Variants in IGF1R observed in about 807,000 individuals in gnomAD.
IGF1R encodes insulin like growth factor 1 receptor.
IGF1R carries 44 observed loss-of-function variants against 144.6 expected under a neutral mutation model. The observed-to-expected ratio is 0.30, with a 90% confidence interval of 0.24 to 0.39. IGF1R has a LOEUF of 0.39. Among genes scored for constraint, IGF1R ranks in the 10% least tolerant of loss-of-function variants. The pLI, the probability that IGF1R is intolerant of heterozygous loss-of-function variation, is 1.00. For missense variants in IGF1R, 1,355 were observed against 1,833.7 expected (o/e 0.74, Z 4.77); for synonymous variants, 795 against 722.8 (o/e 1.10, Z -1.60).
chr15:98,885,552 C>T (rs2013598104), intron 2 of IGF1R, among the ~76,000 whole-genome samples: 1 of 152,184 alleles, frequency 6.6e-6, no homozygotes, highest in Non-Finnish European at 1.5e-5. Context: ...AATCCTCCTG[C>T]ACGAGGATGC....
intron 1 of IGF1R, among the ~76,000 whole-genome samples, chr15:98,666,290 CTTTT>C (rs556406397): frequency 6.9e-6 from 1 of 144,974 alleles, no homozygotes; most frequent in African/African-American, 2.5e-5. Context: ...ATGGCACAGC[CTTTT>C]TTTTTTTTAA....
rs1165087809 is a variant in IGF1R, at chr15:98,934,976, G to A, written c.3109G>A (p.Glu1037Lys). 4 of 1,614,146 alleles carry A rather than the reference G, an allele frequency of 2.5e-6. No individual in the cohort carries two copies. The highest frequency in any genetic ancestry group is 3.4e-6 in the Non-Finnish European group (4 of 1,180,018). Residue 1037 changes from glutamate (E) to lysine (K), a missense_variant, in exon 16 of 21, where the codon GAG (glutamate) becomes AAG (lysine). Glu to Lys is a moderately conservative substitution (Grantham distance 56). Around this residue, in one of 7 missense-constraint regions of IGF1R, gnomAD observed 880 missense variants for 1,202.7 expected, o/e 0.73. Coordinates refer to ENST00000650285, the MANE Select transcript of IGF1R (RefSeq NM_000875.5). Reference protein sequence around the residue: ...ETRVAIKTVNEAASMRERIEF... With the variant: ...ETRVAIKTVNKAASMRERIEF... Reference sequence around the variant, plus strand: ...CAGAGTGGCCATTAAAACAGTGAACGAGGCCGCAAGCATGCGTGAGAGGAT... The same window carrying A: ...CAGAGTGGCCATTAAAACAGTGAACAAGGCCGCAAGCATGCGTGAGAGGAT...
intron 2 of IGF1R, among the ~76,000 whole-genome samples, chr15:98,890,119 T>TA (rs1239045261): frequency 6.6e-6 from 1 of 152,200 alleles, no homozygotes; most frequent in African/African-American, 2.4e-5. Flanking sequence ...TGGCTTCTAA[T>TA]ATCCTATGGT....
In IGF1R at chr15:98,922,414, C is replaced by T; in HGVS notation, c.2468C>T (p.Ala823Val). 6.2e-7 allele frequency: 1 copy of T among 1,612,130 alleles called. No homozygotes were observed. Among genetic ancestry groups the T allele is most frequent in the Non-Finnish European group, 8.5e-7 (1 of 1,180,032 alleles). Reference sequence around the variant, plus strand: ...TGCAGCGCCTCCAACTTCGTCTTTGCAAGGACTATGCCCGCAGGTATGGTA... The same window carrying T: ...TGCAGCGCCTCCAACTTCGTCTTTGTAAGGACTATGCCCGCAGGTATGGTA... ...LGCSASNFVF[A>V]RTMPAEGADD... Residue 823 changes from alanine (A) to valine (V), a missense_variant, in exon 11 of 21, where the codon GCA (alanine) becomes GTA (valine). Coordinates refer to ENST00000650285, the MANE Select transcript of IGF1R (RefSeq NM_000875.5).
chr15:98,948,784 T>C, intron 20 of IGF1R, 76 bp downstream of exon 20: 2 of 1,531,842 alleles, frequency 1.3e-6, no homozygotes, highest in Non-Finnish European at 1.8e-6. Flanking sequence ...CACAGGAGAT[T>C]AGGAGATTAA....
intron 1 of IGF1R, among the ~76,000 whole-genome samples, chr15:98,652,709 C>G (rs927494659): frequency 1.3e-5 from 2 of 152,080 alleles, no homozygotes; most frequent in Non-Finnish European, 2.9e-5. Context: ...CTAGAATAAA[C>G]AAATCCATAG....
chr15:98,737,917 G>C (rs2054649759), intron 2 of IGF1R, among the ~76,000 whole-genome samples: 1 of 152,194 alleles, frequency 6.6e-6, no homozygotes, highest in African/African-American at 2.4e-5. Context: ...TCAGGCCTTT[G>C]ATGTCTGCTC....
intron 1 of IGF1R, among the ~76,000 whole-genome samples, chr15:98,671,046 C>G (rs2052877014): frequency 6.6e-6 from 1 of 152,162 alleles, no homozygotes; most frequent in South Asian, 2.1e-4. Context: ...TAGTAGACTC[C>G]TGTGTGCGGG....
intron 1 of IGF1R, among the ~76,000 whole-genome samples, chr15:98,651,825 G>A (rs989839428): frequency 1.3e-5 from 2 of 152,184 alleles, no homozygotes; most frequent in Non-Finnish European, 2.9e-5. Flanking sequence ...CCCAAATCTC[G>A]ATTATGGTTT....
intron 2 of IGF1R, among the ~76,000 whole-genome samples, chr15:98,832,827 C>A (rs2057026065): frequency 6.6e-6 from 1 of 152,178 alleles, no homozygotes; most frequent in Non-Finnish European, 1.5e-5. Context: ...CAATTTCTGG[C>A]ACATTTACCT....
intron 1 of IGF1R, among the ~76,000 whole-genome samples, chr15:98,672,523 T>C (rs2052920479): frequency 7.2e-6 from 1 of 139,410 alleles, no homozygotes. Flanking sequence ...CGAGACAAGA[T>C]GGCGCCATTG....
At chr15:98,693,110 C>A (rs2053516572) in intron 1 of IGF1R, among the ~76,000 whole-genome samples, 1 of 152,124 alleles carries the variant, frequency 6.6e-6, no homozygotes. Flanking sequence ...CTTGCAGCAC[C>A]CCCCTGACCC....
intron 5 of IGF1R, among the ~76,000 whole-genome samples, chr15:98,902,404 A>G (rs1227985040): frequency 8.0e-6 from 1 of 125,510 alleles, no homozygotes; most frequent in Non-Finnish European, 1.7e-5. Flanking sequence ...GTGTCACACT[A>G]TTTTCTTGAA....
chr15:98,766,152 C>CTTCAGTCA (rs1477662136), intron 2 of IGF1R, among the ~76,000 whole-genome samples: 1 of 152,198 alleles, frequency 6.6e-6, no homozygotes, highest in African/African-American at 2.4e-5. Flanking sequence ...GTGCTTCATT[C>CTTCAGTCA]TTCAGTCATT....
At chr15:98,856,037 C>T (rs1416384546) in intron 2 of IGF1R, among the ~76,000 whole-genome samples, 1 of 152,192 alleles carries the variant, frequency 6.6e-6, no homozygotes, top group African/African-American at 2.4e-5. Context: ...TCCCCACAGC[C>T]TCGGTTTAGA....
At chr15:98,660,878 C>G (rs2052582969) in intron 1 of IGF1R, among the ~76,000 whole-genome samples, 1 of 152,090 alleles carries the variant, frequency 6.6e-6, no homozygotes, top group African/African-American at 2.4e-5. Flanking sequence ...CCTCTTGGAG[C>G]TGGGTTCCTG....
At chr15:98,690,587 T>G (rs1331302926) in intron 1 of IGF1R, among the ~76,000 whole-genome samples, 1 of 152,252 alleles carries the variant, frequency 6.6e-6, no homozygotes, top group Non-Finnish European at 1.5e-5. Flanking sequence ...AGAATGATCT[T>G]TGTTTTTAAA....
chr15:98,891,699 A>C lies in IGF1R; in HGVS notation c.953+62A>C. On this transcript the variant is annotated intron_variant, in intron 3 of 20. Transcript: ENST00000650285. The surrounding 1 kb of genome is among the most constrained non-coding windows in gnomAD (Gnocchi z 4.7). The stretch of plus-strand genomic sequence containing the variant: ...CACCTCACCCGCCACCCTAGCACAC[A>C]AAGGTAGACTCTGTCGGTTGTTTCA... The C allele has an allele frequency of 6.6e-7, 1 of 1,512,314 alleles. No individual in the cohort carries two copies. The highest frequency in any genetic ancestry group is 1.1e-5 in the South Asian group (1 of 87,558). 93.7% of individuals were successfully genotyped at this position (1,512,314 alleles called of 1,614,324 possible).
At chr15:98,770,257 C>G (rs534756457) in intron 2 of IGF1R, among the ~76,000 whole-genome samples, 4 of 152,146 alleles carry the variant, frequency 2.6e-5, no homozygotes, top group Admixed American at 1.3e-4. Context: ...ACAGATATTG[C>G]GTGTTCTCAC....
Sources: gnomAD v4.1 joint callset for allele counts (sites outside exome capture counted in the v4.1 genomes callset) on GRCh38, gnomAD v4.1.1 for gene constraint, gnomAD v4.1.1 regional missense constraint, Gnocchi (gnomAD v3.1) non-coding constraint, MANE v1.5 for transcripts, NCBI Gene and HGNC (gene_info 2026-07-23, HGNC 2026-07-21) for gene names.